The following TG variants were observed in gnomAD, a reference collection of about 807,000 sequenced individuals.
TG encodes the protein thyroid hormones.
TG carries 270 observed loss-of-function variants against 324.7 expected under a neutral mutation model. The ratio of observed to expected loss-of-function variants is 0.83; its 90% CI spans 0.75 to 0.92. The LOEUF (loss-of-function observed/expected upper bound fraction) is 0.92, where lower values mean the gene tolerates loss of function less well. TG is among the 40% of genes least tolerant of loss of function. The pLI, the probability that TG is intolerant of heterozygous loss-of-function variation, is 0.00. For missense variants in TG, 3,591 were observed against 3,456.4 expected (o/e 1.04, Z -0.98); for synonymous variants, 1,401 against 1,327.0 (o/e 1.06, Z -1.21).
At chr8:132,942,736 A>G (rs1361300864) in intron 26 of TG, among the ~76,000 whole-genome samples, 1 of 152,206 alleles carries the variant, frequency 6.6e-6, no homozygotes, top group Admixed American at 6.5e-5. Context: ...CAAATGCCTG[A>G]TGAGGTAGAG....
At chr8:133,030,482 A>C (rs1836533088) in intron 41 of TG, among the ~76,000 whole-genome samples, 1 of 152,200 alleles carries the variant, frequency 6.6e-6, no homozygotes, top group Non-Finnish European at 1.5e-5. Context: ...TGATAATGAC[A>C]ATAATTATGA....
intron 43 of TG, among the ~76,000 whole-genome samples, chr8:133,106,217 G>A (rs1204084754): frequency 6.6e-6 from 1 of 152,192 alleles, no homozygotes; most frequent in Non-Finnish European, 1.5e-5. Flanking sequence ...TCCAAGAGGA[G>A]GAAGGGCCAT....
chr8:132,941,203 T>G (rs954012016), intron 25 of TG, 148 bp from the exon 26 acceptor site: 2 of 985,872 alleles, frequency 2.0e-6, no homozygotes, highest in Admixed American at 3.9e-5. Context: ...AGAAGCTTTG[T>G]GGCACAGAGA....
intron 7 of TG, 80 bp from the exon 8 acceptor site, chr8:132,882,734 T>TA: frequency 5.6e-6 from 9 of 1,612,458 alleles, no homozygotes; most frequent in Non-Finnish European, 7.6e-6. Context: ...AAAGAATCGT[T>TA]AAGAGCAAAC....
intron 43 of TG, among the ~76,000 whole-genome samples, chr8:133,107,982 C>CTTTTCCTCTTTTTTTTTTTTT (rs1554725841): frequency 1.5e-5 from 2 of 134,122 alleles, no homozygotes; most frequent in Non-Finnish European, 3.2e-5. Flanking sequence ...TTCTTTTCTT[C>CTTTTCCTCTTTTTTTTTTTTT]TTTTTTTTTT....
intron 34 of TG, 40 bp downstream of exon 34, chr8:132,972,781 G>T: frequency 3.7e-6 from 6 of 1,613,242 alleles, no homozygotes; most frequent in Non-Finnish European, 5.1e-6. Flanking sequence ...GACGTCTTTA[G>T]TTAACTATTT....
chr8:132,999,049 ACTGCAGC>A (rs1833172695), intron 35 of TG, among the ~76,000 whole-genome samples: 2 of 152,200 alleles, frequency 1.3e-5, no homozygotes, highest in African/African-American at 2.4e-5. Context: ...AAGAACCAGG[ACTGCAGC>A]CCAGAGTGAA....
chr8:133,103,811 C>G (rs920053889), intron 43 of TG, among the ~76,000 whole-genome samples: 6 of 152,148 alleles, frequency 3.9e-5, no homozygotes, highest in Admixed American at 3.9e-4. Context: ...GGCTTCTGTG[C>G]GCTGGACTCT....
At chr8:132,944,565 C>A (rs1356957138) in intron 26 of TG, among the ~76,000 whole-genome samples, 1 of 152,182 alleles carries the variant, frequency 6.6e-6, no homozygotes, top group Non-Finnish European at 1.5e-5. Flanking sequence ...GGGCAGACCC[C>A]AAAGTGGGGA....
Position 132,969,524 on chromosome 8 carries a change from C to G in TG, c.5930C>G (p.Ser1977Cys). Reference protein sequence around the residue: ...RLPFQKLMGISIRNKVPMSEK... With the variant: ...RLPFQKLMGICIRNKVPMSEK... The stretch of plus-strand genomic sequence containing the variant: ...CCGTTCCAAAAACTGATGGGGATAT[C>G]CATTAGAAATAAAGTGCCCATGTCT... Residue 1977 changes from serine to cysteine, a missense_variant, in exon 32 of 48, where the codon TCC becomes TGC. Transcript: ENST00000220616. 6.2e-7 allele frequency: 1 copy of G among 1,613,876 alleles called. No individual in the cohort carries two copies. The highest frequency in any genetic ancestry group is 8.5e-7 in the Non-Finnish European group (1 of 1,179,840).
intron 21 of TG, 62 bp from the exon 22 acceptor site, chr8:132,923,276 A>T: frequency 6.3e-7 from 1 of 1,578,906 alleles, no homozygotes. Context: ...AGAGCCTGGG[A>T]GTAGGAGTCA....
intron 43 of TG, among the ~76,000 whole-genome samples, chr8:133,106,821 C>T (rs1849843344): frequency 6.6e-6 from 1 of 152,204 alleles, no homozygotes; most frequent in African/African-American, 2.4e-5. Context: ...AAGCCCCATG[C>T]AGGCAGAGAA....
At chr8:133,042,838 C>T (rs188582176) in intron 41 of TG, among the ~76,000 whole-genome samples, 30 of 151,844 alleles carry the variant, frequency 2.0e-4, no homozygotes, top group Non-Finnish European at 3.5e-4. Flanking sequence ...GGATTACAGG[C>T]GCCCACCACC....
Position 132,882,805 on chromosome 8 carries a change from T to C in TG, c.890-9T>C. ...ACACTGTCTTCTTTACTGTGTGGAT[T>C]TCCTCTAGGCCCCACAAAATGTGAA... On this transcript the variant is annotated splice_polypyrimidine_tract_variant and intron_variant, in intron 7 of 47. Coordinates refer to ENST00000220616, the MANE Select transcript of TG (RefSeq NM_003235.5). 6.2e-7 allele frequency: 1 copy of C among 1,614,176 alleles called. No homozygotes were observed. Among genetic ancestry groups the C allele is most frequent in the Non-Finnish European group, 8.5e-7 (1 of 1,180,026 alleles).
chr8:133,078,587 C>T (rs1182369277), intron 41 of TG, among the ~76,000 whole-genome samples: 1 of 152,190 alleles, frequency 6.6e-6, no homozygotes, highest in East Asian at 1.9e-4. Flanking sequence ...TTCAGTTATT[C>T]ATTCAACAAA....
intron 35 of TG, among the ~76,000 whole-genome samples, chr8:133,007,508 T>C (rs549422026): frequency 2.0e-4 from 31 of 152,036 alleles, no homozygotes; most frequent in Non-Finnish European, 3.8e-4. Context: ...CCAGACTGAG[T>C]ATTTTAGTGG....
intron 43 of TG, chr8:133,106,462 G>A (rs1040808949): frequency 3.0e-6 from 3 of 985,162 alleles, no homozygotes; most frequent in Admixed American, 1.2e-4. Flanking sequence ...CCCGCCTGAA[G>A]CAAAAAAGCA....
intron 18 of TG, among the ~76,000 whole-genome samples, chr8:132,910,626 A>G (rs2739053): frequency 3.9e-5 from 6 of 151,992 alleles, no homozygotes; most frequent in African/African-American, 1.4e-4. Context: ...TCCACCATGG[A>G]CACAGTGAGA....
intron 41 of TG, among the ~76,000 whole-genome samples, chr8:133,039,679 C>T (rs941163664): frequency 6.6e-6 from 1 of 152,060 alleles, no homozygotes; most frequent in African/African-American, 2.4e-5. Flanking sequence ...TTTCTAGGAT[C>T]CTAACAATTA....
Sources: gnomAD v4.1 joint callset for allele counts (sites outside exome capture counted in the v4.1 genomes callset) on GRCh38, gnomAD v4.1.1 for gene constraint, MANE v1.5 for transcripts, NCBI Gene and HGNC (gene_info 2026-07-23, HGNC 2026-07-21) for gene names.